The following SYNJ2BP variants were observed in gnomAD, a reference collection of about 807,000 sequenced individuals.
The protein encoded by SYNJ2BP is synaptojanin 2 binding protein.
SYNJ2BP carries 10 observed loss-of-function variants against 16.9 expected under a neutral mutation model. The observed-to-expected ratio is 0.59, with a 90% CI of 0.36 to 1.00. The LOEUF (loss-of-function observed/expected upper bound fraction) is 1.00. Ranked by LOEUF, SYNJ2BP falls within the 50% of genes least tolerant of loss-of-function variation. The pLI is 0.01. For missense variants in SYNJ2BP, 162 were observed against 186.7 expected (o/e 0.87, Z 0.77); for synonymous variants, 54 against 68.4 (o/e 0.79, Z 1.04).
chr14:70,396,640 G>GTATA (rs562819189), intron 1 of SYNJ2BP, among the ~76,000 whole-genome samples: 1 of 150,922 alleles, frequency 6.6e-6, no homozygotes, highest in African/African-American at 2.4e-5. Context: ...ATATGTATGT[G>GTATA]TATATATATA....
intron 1 of SYNJ2BP, among the ~76,000 whole-genome samples, chr14:70,392,703 C>T (rs1196863216): frequency 1.3e-5 from 2 of 152,166 alleles, no homozygotes; most frequent in Non-Finnish European, 2.9e-5. Flanking sequence ...GGAACTCAAA[C>T]TTATTAAGTA....
At chr14:70,388,656 G>T (rs775558001) in intron 1 of SYNJ2BP, 50 bp from the exon 2 acceptor site, 1 of 1,437,172 alleles carries the variant, frequency 7.0e-7, no homozygotes, top group Non-Finnish European at 9.2e-7. Flanking sequence ...AAGAAAGAAA[G>T]AGATTAGAGA....
At chr14:70,407,319 T>A (rs1033872232) in intron 1 of SYNJ2BP, among the ~76,000 whole-genome samples, 1 of 151,916 alleles carries the variant, frequency 6.6e-6, no homozygotes, top group African/African-American at 2.4e-5. Context: ...TCCCAGCTAC[T>A]TGGGAGGCTG....
chr14:70,387,913 T>C (rs1887895458), intron 2 of SYNJ2BP, among the ~76,000 whole-genome samples: 2 of 151,042 alleles, frequency 1.3e-5, no homozygotes, highest in South Asian at 2.1e-4. Flanking sequence ...CCATGTAGTA[T>C]GTCTTCGTAG....
At chr14:70,403,677 C>T (rs1888288322) in intron 1 of SYNJ2BP, among the ~76,000 whole-genome samples, 1 of 152,214 alleles carries the variant, frequency 6.6e-6, no homozygotes, top group Non-Finnish European at 1.5e-5. Context: ...CCTTGTTTAG[C>T]ATATAATCAA....
In SYNJ2BP at chr14:70,414,210, C is replaced by G. The variant is rs192231388; in HGVS notation, c.64+2690G>C. On this transcript the variant is annotated intron_variant, in intron 1 of 3. Coordinates refer to ENST00000256366, the MANE Select transcript of SYNJ2BP (RefSeq NM_018373.3). ...ACCTTTCTTTGTTAACTGAACCAAC[C>G]AAATTTCAAATGACTGTTTTCACCC... 1.5e-3 allele frequency among the ~76,000 whole-genome samples: 222 copies of G among 152,260 alleles called. 4 individuals are homozygous for G. The highest frequency in any genetic ancestry group is 0.015 in the Admixed American group (222 of 15,292).
chr14:70,414,594 C>T (rs1461961581), intron 1 of SYNJ2BP, among the ~76,000 whole-genome samples: 1 of 152,170 alleles, frequency 6.6e-6, no homozygotes, highest in Non-Finnish European at 1.5e-5. Flanking sequence ...CTGCTTTAGA[C>T]AGGAGATCTG....
At chr14:70,382,125 A>G (rs1179838009) in intron 2 of SYNJ2BP, among the ~76,000 whole-genome samples, 1 of 152,110 alleles carries the variant, frequency 6.6e-6, no homozygotes, top group Non-Finnish European at 1.5e-5. Flanking sequence ...AGTCCCAGCT[A>G]CTCGGGAGGC....
intron 2 of SYNJ2BP, among the ~76,000 whole-genome samples, chr14:70,381,250 G>T (rs536926759): frequency 8.5e-5 from 13 of 152,318 alleles, no homozygotes; most frequent in African/African-American, 3.1e-4. Context: ...ATGTTATAAA[G>T]GGCATAGGCC....
At chr14:70,404,543 C>T (rs777781651) in intron 1 of SYNJ2BP, among the ~76,000 whole-genome samples, 1 of 152,076 alleles carries the variant, frequency 6.6e-6, no homozygotes, top group Non-Finnish European at 1.5e-5. Context: ...TGTTAACAAA[C>T]AGATTGAGAA....
intron 3 of SYNJ2BP, among the ~76,000 whole-genome samples, chr14:70,373,410 C>T (rs1012431876): frequency 5.3e-5 from 8 of 152,166 alleles, no homozygotes; most frequent in African/African-American, 1.9e-4. Flanking sequence ...TGTACTGCCT[C>T]TACCTTGCTA....
At chr14:70,398,939 A>G (rs1187005835) in intron 1 of SYNJ2BP, among the ~76,000 whole-genome samples, 2 of 152,054 alleles carry the variant, frequency 1.3e-5, no homozygotes, top group Non-Finnish European at 2.9e-5. Flanking sequence ...CTAGGAGCAG[A>G]TAGGGGGCCT....
At chr14:70,404,904 T>C (rs1253003100) in intron 1 of SYNJ2BP, among the ~76,000 whole-genome samples, 1 of 152,138 alleles carries the variant, frequency 6.6e-6, no homozygotes, top group African/African-American at 2.4e-5. Context: ...AGTGGGTGGA[T>C]TGCTTGAGTA....
intron 1 of SYNJ2BP, among the ~76,000 whole-genome samples, chr14:70,394,050 A>G (rs1041500906): frequency 1.3e-5 from 2 of 152,016 alleles, no homozygotes; most frequent in African/African-American, 4.8e-5. Flanking sequence ...ACTCACAGGA[A>G]AAGTCTGACC....
At chr14:70,393,996 G>T (rs1566620064) in intron 1 of SYNJ2BP, among the ~76,000 whole-genome samples, 1 of 134,880 alleles carries the variant, frequency 7.4e-6, no homozygotes, top group Non-Finnish European at 1.6e-5. Context: ...GAAACCAAAG[G>T]AAAAAAAAAA....
At chr14:70,385,791 T>G (rs1160181556) in intron 2 of SYNJ2BP, among the ~76,000 whole-genome samples, 1 of 152,212 alleles carries the variant, frequency 6.6e-6, no homozygotes, top group East Asian at 1.9e-4. Context: ...TAGGAGGCAG[T>G]ATAACAGTAT....
intron 2 of SYNJ2BP, among the ~76,000 whole-genome samples, chr14:70,382,642 G>GCTA (rs1382595748): frequency 6.6e-6 from 1 of 152,206 alleles, no homozygotes. Context: ...GAATTAACTT[G>GCTA]CTACTTCAGC....
chr14:70,387,228 T>A (rs1304136272), intron 2 of SYNJ2BP, among the ~76,000 whole-genome samples: 1 of 152,216 alleles, frequency 6.6e-6, no homozygotes, highest in Non-Finnish European at 1.5e-5. Context: ...CATTTTTCAC[T>A]AGTCCTGAAG....
rs372457213 is a variant in SYNJ2BP at position 70,413,867 on chromosome 14, A to G, written c.64+3033T>C. ...AGAACACAAAGGGGGAATGGTACAC[A>G]TGTTCTCGGATCTGATTAAACATCA... On this transcript the variant is annotated intron_variant, in intron 1 of 3. Transcript: ENST00000256366. 2.0e-4 allele frequency among the ~76,000 whole-genome samples: 30 copies of G among 152,354 alleles called. 1 individual carries two copies. Among genetic ancestry groups the G allele is most frequent in the African/African-American group, 6.7e-4 (28 of 41,592 alleles).
Sources: allele counts gnomAD v4.1 joint callset (sites outside exome capture counted in the v4.1 genomes callset), GRCh38; gene constraint gnomAD v4.1.1; transcripts MANE v1.5; gene names NCBI Gene and HGNC (gene_info 2026-07-23, HGNC 2026-07-21).